Variants in PCM1 observed in about 807,000 individuals in gnomAD.
The protein encoded by PCM1 is pericentriolar material 1, also known as pericentriolar material 1 protein.
A neutral mutation model predicts 241.9 loss-of-function variants in PCM1; 157 were observed. That is an observed-to-expected ratio of 0.65 (90% CI 0.57 to 0.74). PCM1 has a LOEUF of 0.74. PCM1 is among the 30% of genes least tolerant of loss of function. PCM1 has a pLI of 0.00. For missense variants in PCM1, 3,478 were observed against 2,360.1 expected (o/e 1.47, Z -9.81); for synonymous variants, 1,085 against 784.9 (o/e 1.38, Z -6.39).
Position 18,009,716 on chromosome 8 carries a change from C to G in PCM1, c.5132C>G (p.Thr1711Ser), listed in dbSNP as rs771448146. 11 of 1,497,976 alleles carry G rather than the reference C, an allele frequency of 7.3e-6. No homozygotes were observed. The African/African-American group carries it at 1.5e-4, about 21-fold the overall frequency. The allele number at this position is 1,497,976 out of a possible 1,614,324, so 92.8% of individuals were successfully genotyped here. A position where few individuals can be genotyped will look rare whatever the true frequency, so the allele number is the denominator to read the frequency against. ...KQRCKRKIEA[T>S]GVIQSCAKEA... Reference sequence around the variant, plus strand: ...AGATGCAAAAGGAAAATAGAAGCAACTGGAGTGATACAATCTTGTGCCAAA... The same window carrying G: ...AGATGCAAAAGGAAAATAGAAGCAAGTGGAGTGATACAATCTTGTGCCAAA... The change falls in exon 31 of 39, where the codon ACT becomes AGT. Residue 1711 changes from threonine (T) to serine (S), a missense_variant. Physicochemically the swap from Thr to Ser is moderately conservative, Grantham distance 58. Coordinates refer to ENST00000325083, the MANE Select transcript of PCM1 (RefSeq NM_006197.4).
chr8:17,930,939 T>C (rs2058822091), intron 2 of PCM1, among the ~76,000 whole-genome samples: 1 of 152,216 alleles, frequency 6.6e-6, no homozygotes, highest in Non-Finnish European at 1.5e-5. Flanking sequence ...ACTAATAGTT[T>C]TACTTTTTAA....
intron 13 of PCM1, among the ~76,000 whole-genome samples, chr8:17,959,222 C>T (rs183858377): frequency 9.2e-5 from 14 of 151,888 alleles, no homozygotes; most frequent in Non-Finnish European, 1.5e-4. Flanking sequence ...TTCCCCACTC[C>T]ACATTGTCTC....
At chr8:17,949,798 C>T (rs535067165) in intron 7 of PCM1, among the ~76,000 whole-genome samples, 1 of 152,102 alleles carries the variant, frequency 6.6e-6, no homozygotes, top group Admixed American at 6.5e-5. Context: ...TACCTGGCCA[C>T]CAATGTCTGT....
chr8:17,975,072 C>G (rs185961983), intron 23 of PCM1, among the ~76,000 whole-genome samples: 218 of 152,230 alleles, frequency 1.4e-3, no homozygotes, highest in African/African-American at 4.0e-3. Flanking sequence ...CCAACTAAAT[C>G]AGTATGTATT....
intron 22 of PCM1, among the ~76,000 whole-genome samples, chr8:17,970,926 T>C (rs891804731): frequency 6.6e-6 from 1 of 152,178 alleles, no homozygotes; most frequent in Non-Finnish European, 1.5e-5. Flanking sequence ...TAAAATCCTG[T>C]AGTCTTATTC....
At chr8:18,012,098 G>A (rs750484244) in intron 34 of PCM1, among the ~76,000 whole-genome samples, 2 of 152,042 alleles carry the variant, frequency 1.3e-5, no homozygotes, top group African/African-American at 2.4e-5. Flanking sequence ...GAGCTCAAGC[G>A]ATCCTCCCAC....
At chr8:18,027,609 T>G (rs766064811) in intron 38 of PCM1, 28 bp from the exon 39 acceptor site, 1 of 1,536,204 alleles carries the variant, frequency 6.5e-7, no homozygotes, top group South Asian at 1.2e-5. Context: ...ATAAGTAATT[T>G]ATAAAGCATT....
At chr8:17,972,754 C>G (rs1286200174) in intron 23 of PCM1, 67 bp downstream of exon 23, 9 of 945,340 alleles carry the variant, frequency 9.5e-6, no homozygotes, top group Non-Finnish European at 1.5e-6. Flanking sequence ...GACATGTTGA[C>G]ATAGATATAG....
chr8:17,964,885 T>A (rs2074208775), intron 18 of PCM1, 117 bp downstream of exon 18: 1 of 728,184 alleles, frequency 1.4e-6, no homozygotes. Flanking sequence ...TCAATTCAAT[T>A]TTTACACTAA....
chr8:17,958,340 G>T (rs1466341400), intron 13 of PCM1, among the ~76,000 whole-genome samples: 4 of 152,038 alleles, frequency 2.6e-5, no homozygotes, highest in Admixed American at 6.5e-5. Flanking sequence ...TATTCAGTAA[G>T]GTTAAAGTTA....
At chr8:17,931,887 GT>G (rs1358519941) in intron 2 of PCM1, among the ~76,000 whole-genome samples, 4 of 151,844 alleles carry the variant, frequency 2.6e-5, no homozygotes, top group Non-Finnish European at 5.9e-5. Flanking sequence ...TATATTTCTA[GT>G]ATAAATAATT....
At chr8:17,985,007 C>T (rs998441410) in intron 24 of PCM1, among the ~76,000 whole-genome samples, 1 of 151,858 alleles carries the variant, frequency 6.6e-6, no homozygotes, top group Non-Finnish European at 1.5e-5. Flanking sequence ...TCATTGGCAG[C>T]ATTCAGTTTA....
At chr8:17,956,357 A>C (rs1444747856) in intron 10 of PCM1, among the ~76,000 whole-genome samples, 1 of 152,186 alleles carries the variant, frequency 6.6e-6, no homozygotes, top group Admixed American at 6.5e-5. Context: ...ATGAACAATT[A>C]AATTGAAATT....
intron 27 of PCM1, among the ~76,000 whole-genome samples, chr8:17,990,766 A>T (rs1309476116): frequency 6.6e-6 from 1 of 152,188 alleles, no homozygotes; most frequent in East Asian, 1.9e-4. Context: ...AGATTATTTC[A>T]AAGGTATTTT....
chr8:17,927,995 T>A (rs2057669836), intron 2 of PCM1: 1 of 149,140 alleles, frequency 6.7e-6, no homozygotes, highest in Admixed American at 6.7e-5. Context: ...AACTTGAAAG[T>A]AACAGTTTCA....
intron 17 of PCM1, among the ~76,000 whole-genome samples, chr8:17,964,190 G>T (rs1172713389): frequency 6.6e-6 from 1 of 152,156 alleles, no homozygotes; most frequent in African/African-American, 2.4e-5. Context: ...GTAGCCATGT[G>T]TACCTAGTGT....
intron 36 of PCM1, among the ~76,000 whole-genome samples, chr8:18,020,966 G>T (rs904152744): frequency 6.6e-6 from 1 of 152,120 alleles, no homozygotes; most frequent in African/African-American, 2.4e-5. Context: ...GCTCATGCTC[G>T]TAGGACTGAA....
chr8:17,938,816 C>G lies in PCM1; in HGVS notation c.419C>G (p.Pro140Arg). 2.5e-6 allele frequency: 4 copies of G among 1,613,258 alleles called. No individual in the cohort carries two copies. The highest frequency in any genetic ancestry group is 2.2e-5 in the East Asian group (1 of 44,872). The change falls in exon 5 of 39, where the codon CCC becomes CGC. Residue 140 changes from proline (P) to arginine (R), a missense_variant. Transcript: ENST00000325083. Reference protein sequence around the residue: ...NKRQLSENRKPFNFLPMQINT... With the variant: ...NKRQLSENRKRFNFLPMQINT... Reference sequence around the variant, plus strand: ...CGTCAGCTTAGTGAAAACCGAAAGCCCTTCAACTTTTTGCCTATGCAGATT... The same window carrying G: ...CGTCAGCTTAGTGAAAACCGAAAGCGCTTCAACTTTTTGCCTATGCAGATT...
chr8:17,940,026 C>CAG, intron 6 of PCM1, 165 bp downstream of exon 6: 1 of 1,475,762 alleles, frequency 6.8e-7, no homozygotes, highest in Non-Finnish European at 9.2e-7. Context: ...TGATTTATAC[C>CAG]GCTAAAATAT....
Sources: allele counts gnomAD v4.1 joint callset (sites outside exome capture counted in the v4.1 genomes callset), GRCh38; gene constraint gnomAD v4.1.1; transcripts MANE v1.5; gene names NCBI Gene and HGNC (gene_info 2026-07-23, HGNC 2026-07-21).